PPEF2: variants seen among roughly 807,000 people sequenced by gnomAD.
PPEF2 encodes protein phosphatase with EF-hand domain 2.
In PPEF2, 84 loss-of-function variants were observed where a neutral mutation model predicts 84.7. That is an observed-to-expected ratio of 0.99 (90% confidence interval 0.83 to 1.19). PPEF2 has a LOEUF of 1.19. Among genes scored for constraint, PPEF2 ranks in the 50% most tolerant of loss-of-function variants. The pLI, the probability that PPEF2 is intolerant of heterozygous loss-of-function variation, is 0.00. For missense variants in PPEF2, 924 were observed against 937.5 expected (o/e 0.99, Z 0.19); for synonymous variants, 346 against 345.2 (o/e 1.00, Z -0.03).
intron 16 of PPEF2, 26 bp from the exon 17 acceptor site, chr4:75,860,946 A>T: frequency 6.2e-7 from 1 of 1,607,582 alleles, no homozygotes; most frequent in Admixed American, 1.7e-5. Flanking sequence ...AAATCACTTC[A>T]GTGAGTTAGT....
At chr4:75,870,643 T>A (rs4859563) in intron 13 of PPEF2, among the ~76,000 whole-genome samples, 133,314 of 152,148 alleles carry the variant, frequency 0.88, 61,064 homozygotes, top group Non-Finnish European at 1. Flanking sequence ...ACATTAAAAG[T>A]GTGGGTTCTG....
intron 6 of PPEF2, 85 bp from the exon 7 acceptor site, chr4:75,886,983 A>G: frequency 1.4e-6 from 1 of 727,290 alleles, no homozygotes; most frequent in East Asian, 2.8e-5. Flanking sequence ...AAATACCCAG[A>G]AGAATCTGAC....
chr4:75,891,249 C>T (rs748654850), intron 4 of PPEF2, among the ~76,000 whole-genome samples: 4 of 151,934 alleles, frequency 2.6e-5, no homozygotes, highest in Non-Finnish European at 4.4e-5. Flanking sequence ...CCTCCCCAGC[C>T]GCTTTCAACC....
chr4:75,883,049 G>T lies in PPEF2; in HGVS notation c.810C>A (p.Thr270=). 1 of 1,614,002 alleles carries T rather than the reference G, an allele frequency of 6.2e-7. No individual in the cohort carries two copies. The highest frequency in any genetic ancestry group is 8.5e-7 in the Non-Finnish European group (1 of 1,179,980). Residue 270 remains threonine, a synonymous_variant, in exon 10 of 17, where the codon ACC becomes ACA. Transcript: ENST00000286719. ...YKVHGKEILR[T]LQDVFCWLPL... ...GAAGCCAACAGAAAACATCTTGCAG[G>T]GTTCTTAGTATTTCCTTCCCGTGTA...
At position 75,884,566 on chromosome 4, in the gene PPEF2, A is replaced by G. The variant is rs111856300; in HGVS notation, c.746+28T>C. 2.8e-3 allele frequency: 4,306 copies of G among 1,537,718 alleles called. 107 individuals are homozygous for G. The African/African-American group carries it at 0.054, about 19-fold the overall frequency. On this transcript the variant is annotated intron_variant, in intron 8 of 16. Coordinates refer to ENST00000286719, the MANE Select transcript of PPEF2 (RefSeq NM_006239.3). ...TTTACAATTACAACAAACAAACATC[A>G]AATACTCAAGCATGTTTTGACTTGT...
chr4:75,879,330 A>G (rs1250272222), intron 10 of PPEF2, among the ~76,000 whole-genome samples: 1 of 152,230 alleles, frequency 6.6e-6, no homozygotes, highest in Non-Finnish European at 1.5e-5. Context: ...ACTAGCTTAT[A>G]AGTGAGTAGC....
intron 2 of PPEF2, among the ~76,000 whole-genome samples, chr4:75,893,627 C>A (rs1489148039): frequency 6.6e-6 from 1 of 152,226 alleles, no homozygotes; most frequent in African/African-American, 2.4e-5. Flanking sequence ...ACATCAGAAT[C>A]TCTACCGCTG....
intron 16 of PPEF2, among the ~76,000 whole-genome samples, chr4:75,862,520 A>G (rs1724032161): frequency 6.6e-6 from 1 of 152,048 alleles, no homozygotes; most frequent in Admixed American, 6.6e-5. Context: ...CAAAAGAGAT[A>G]TACAAATGGC....
intron 13 of PPEF2, among the ~76,000 whole-genome samples, chr4:75,868,292 GGT>G: frequency 1.8e-5 from 1 of 55,906 alleles, no homozygotes; most frequent in African/African-American, 5.4e-5. Flanking sequence ...CTCCAGCCTG[GGT>G]GAAAAAGTAA....
chr4:75,872,198 C>T, intron 12 of PPEF2, 31 bp from the exon 13 acceptor site: 2 of 1,601,458 alleles, frequency 1.2e-6, no homozygotes, highest in Non-Finnish European at 1.7e-6. Flanking sequence ...GACAGGTGTT[C>T]ACATTCACTG....
intron 11 of PPEF2, among the ~76,000 whole-genome samples, chr4:75,874,220 CAAT>C (rs2149217645): frequency 6.6e-6 from 1 of 152,146 alleles, no homozygotes; most frequent in African/African-American, 2.4e-5. Context: ...CTCAGGAAAA[CAAT>C]AACTGCCAGT....
chr4:75,896,530 C>T (rs777766557), intron 1 of PPEF2, 147 bp from the exon 2 acceptor site: 4 of 614,652 alleles, frequency 6.5e-6, no homozygotes, highest in Non-Finnish European at 1.2e-5. Context: ...AGAGTTCCCT[C>T]CATTTGTCAT....
intron 11 of PPEF2, among the ~76,000 whole-genome samples, chr4:75,874,421 G>T (rs750472646): frequency 5.9e-5 from 9 of 151,540 alleles, no homozygotes; most frequent in Non-Finnish European, 1.2e-4. Flanking sequence ...TCAGTCTCTC[G>T]AGTAGCTGAG....
At chr4:75,876,106 C>A (rs1724398578) in intron 11 of PPEF2, among the ~76,000 whole-genome samples, 181 bp downstream of exon 11, 2 of 152,188 alleles carry the variant, frequency 1.3e-5, no homozygotes, top group Admixed American at 6.5e-5. Flanking sequence ...GCCACACATC[C>A]CCATCTTTTA....
intron 4 of PPEF2, 142 bp downstream of exon 4, chr4:75,891,506 G>T: frequency 2.3e-6 from 2 of 862,346 alleles, no homozygotes; most frequent in Non-Finnish European, 3.5e-6. Flanking sequence ...TAAAACCCCA[G>T]TCTGCCATTT....
chr4:75,891,871 C>T lies in PPEF2; in HGVS notation c.163G>A (p.Gly55Arg). Residue 55 changes from glycine (G) to arginine (R), a missense_variant, in exon 3 of 17, where the codon GGG becomes AGG. Gly to Arg is a moderately radical substitution (Grantham distance 125). Coordinates refer to ENST00000286719, the MANE Select transcript of PPEF2 (RefSeq NM_006239.3). Reference protein sequence around the residue: ...WSIFQSIEYAGQQDQVKLHDF... With the variant: ...WSIFQSIEYARQQDQVKLHDF... Reference sequence around the variant, plus strand: ...TGTACCTTGACTTGGTCTTGCTGCCCAGCATATTCTATAGACTGGAAGATG... The same window carrying T: ...TGTACCTTGACTTGGTCTTGCTGCCTAGCATATTCTATAGACTGGAAGATG... The T allele has an allele frequency of 1.2e-6, 2 of 1,613,412 alleles. No individual in the cohort carries two copies. The highest frequency in any genetic ancestry group is 2.2e-5 in the East Asian group (1 of 44,818).
intron 4 of PPEF2, 68 bp downstream of exon 4, chr4:75,891,580 C>A: frequency 6.7e-7 from 1 of 1,501,288 alleles, no homozygotes; most frequent in Non-Finnish European, 9.0e-7. Flanking sequence ...CCCTGTGCAT[C>A]CCCCACCTCA....
In PPEF2 at chr4:75,873,184, G is replaced by T. The variant is rs972045051; in HGVS notation, c.1449C>A (p.Phe483Leu). The T allele has an allele frequency of 6.2e-7, 1 of 1,614,154 alleles. No individual in the cohort carries two copies. The highest frequency in any genetic ancestry group is 8.5e-7 in the Non-Finnish European group (1 of 1,180,008). ...QQLLQKYNMQ[F>L]LIRSHECKPE... ...GTTTGCATTCATGTGAACGGATCAG[G>T]AATTGCATGTTGTATTTTTGTAGCA... The change falls in exon 12 of 17, where the codon TTC becomes TTA. Residue 483 changes from phenylalanine (F) to leucine (L), a missense_variant. Transcript: ENST00000286719.
intron 2 of PPEF2, among the ~76,000 whole-genome samples, 174 bp downstream of exon 2, chr4:75,896,097 T>A (rs1356599171): frequency 2.0e-5 from 3 of 152,134 alleles, no homozygotes; most frequent in African/African-American, 7.2e-5. Flanking sequence ...TCAAATATAC[T>A]TCAACTGGAC....
Sources: allele counts gnomAD v4.1 joint callset (sites outside exome capture counted in the v4.1 genomes callset), GRCh38; gene constraint gnomAD v4.1.1; transcripts MANE v1.5; gene names NCBI Gene and HGNC (gene_info 2026-07-23, HGNC 2026-07-21).